Variants in NRXN1 observed in about 807,000 individuals in gnomAD.
The protein encoded by NRXN1 is neurexin 1, also known as neurexin-1.
Under a neutral mutation model 150.9 loss-of-function variants are expected in NRXN1, and 39 were observed. The observed-to-expected ratio is 0.26, with a 90% CI of 0.20 to 0.34. NRXN1 has a LOEUF of 0.34. NRXN1 is among the 10% of genes least tolerant of loss of function. NRXN1 has a pLI of 1.00. For missense variants in NRXN1, 1,815 were observed against 1,949.9 expected, an observed-to-expected ratio of 0.93 and a Z score of 1.30; for synonymous variants, 924 against 757.0, an observed-to-expected ratio of 1.22 and a Z score of -3.62.
At chr2:50,156,465 C>T (rs1558992347) in intron 18 of NRXN1, among the ~76,000 whole-genome samples, 2 of 151,848 alleles carry the variant, frequency 1.3e-5, no homozygotes, top group South Asian at 2.1e-4. Context: ...TAAAAAATTA[C>T]GTAAATGGTT....
At chr2:50,505,078 T>C (rs1176216893) in intron 13 of NRXN1, among the ~76,000 whole-genome samples, 3 of 152,148 alleles carry the variant, frequency 2.0e-5, no homozygotes, top group Non-Finnish European at 2.9e-5. Context: ...TCACCCTCTA[T>C]AATAATCTGT....
intron 5 of NRXN1, among the ~76,000 whole-genome samples, chr2:50,830,562 CCCTGAAACA>C (rs1164485386): frequency 2.6e-5 from 4 of 151,410 alleles, no homozygotes; most frequent in Non-Finnish European, 5.9e-5. Flanking sequence ...TTCTTCTGAG[CCCTGAAACA>C]CATTCATTTC....
intron 17 of NRXN1, among the ~76,000 whole-genome samples, chr2:50,294,177 A>G (rs1040558504): frequency 1.3e-5 from 2 of 152,200 alleles, no homozygotes; most frequent in African/African-American, 2.4e-5. Context: ...GTGTCAATTT[A>G]TGGAGTAAAA....
At chr2:50,948,191 T>C (rs1690715149) in intron 2 of NRXN1, among the ~76,000 whole-genome samples, 1 of 152,070 alleles carries the variant, frequency 6.6e-6, no homozygotes. Context: ...AATTTTTGTT[T>C]TCTTTACTCT....
chr2:50,579,183 G>A (rs574539656), intron 8 of NRXN1, among the ~76,000 whole-genome samples: 1 of 152,332 alleles, frequency 6.6e-6, no homozygotes, highest in East Asian at 1.9e-4. Flanking sequence ...TTAAAGCAGA[G>A]CAAGTGCTTT....
chr2:51,010,628 G>A (rs541183541), intron 2 of NRXN1, among the ~76,000 whole-genome samples: 60 of 152,070 alleles, frequency 3.9e-4, no homozygotes, highest in African/African-American at 9.4e-4. Flanking sequence ...AGTTCCTAGA[G>A]ATGAAACTGT....
intron 19 of NRXN1, among the ~76,000 whole-genome samples, chr2:50,057,511 T>C (rs192245877): frequency 2.1e-4 from 32 of 152,196 alleles, no homozygotes; most frequent in African/African-American, 7.2e-4. Context: ...GAAAGAAGCA[T>C]TGAACCTGTA....
intron 8 of NRXN1, among the ~76,000 whole-genome samples, chr2:50,599,591 G>A (rs1247601839): frequency 6.6e-6 from 1 of 152,116 alleles, no homozygotes; most frequent in Non-Finnish European, 1.5e-5. Context: ...GTTAAAGTGA[G>A]AAACAGAAAT....
At chr2:50,627,134 T>C (rs1195703720) in intron 5 of NRXN1, among the ~76,000 whole-genome samples, 3 of 151,866 alleles carry the variant, frequency 2.0e-5, no homozygotes, top group Non-Finnish European at 4.4e-5. Context: ...TATATACTGC[T>C]GATGCTGATA....
At chr2:49,973,974 G>A (rs754080263) in intron 21 of NRXN1, 20 of 717,200 alleles carry the variant, frequency 2.8e-5, no homozygotes, top group Non-Finnish European at 1.3e-5. Flanking sequence ...CTACCTGCAA[G>A]TTTTCACAGT....
intron 18 of NRXN1, among the ~76,000 whole-genome samples, chr2:50,214,952 A>T (rs1255645597): frequency 2.0e-5 from 3 of 152,052 alleles, no homozygotes; most frequent in African/African-American, 7.2e-5. Context: ...TCTAGGACTC[A>T]GCTCACTTTA....
intron 2 of NRXN1, among the ~76,000 whole-genome samples, chr2:50,988,218 C>G (rs1335031914): frequency 6.6e-6 from 1 of 151,970 alleles, no homozygotes; most frequent in Non-Finnish European, 1.5e-5. Context: ...CCTGCCAAAT[C>G]AATGACTATT....
In NRXN1 at chr2:50,771,272, A is replaced by C. The variant is rs113468378; in HGVS notation, c.833-147657T>G. 2.0e-3 allele frequency among the ~76,000 whole-genome samples: 299 copies of C among 152,250 alleles called. 5 individuals carry two copies. Among genetic ancestry groups the C allele is most frequent in the African/African-American group, 7.0e-3 (291 of 41,578 alleles). ...GCCAGTCACTCTATATATTACCGTC[A>C]GGATTATTCTCCCAAAACGCAAAAT... On this transcript the variant is annotated intron_variant, in intron 5 of 22. Transcript: ENST00000401669.
At chr2:50,082,902 C>A (rs1398059654) in intron 19 of NRXN1, among the ~76,000 whole-genome samples, 3 of 152,180 alleles carry the variant, frequency 2.0e-5, no homozygotes, top group East Asian at 3.8e-4. Flanking sequence ...AGATACCCAA[C>A]ACGTATCTGA....
chr2:50,505,985 C>A lies in NRXN1; in HGVS notation c.2497+510G>T, dbSNP rs2092201263. On this transcript the variant is annotated intron_variant, in intron 13 of 22. Coordinates refer to ENST00000401669, the MANE Select transcript of NRXN1 (RefSeq NM_001330078.2). ...ATCTAAAAATGGGGGTTGAACTTGA[C>A]ATCCTTAATATTAGAATTTAACCAA... Among the ~76,000 whole-genome samples, 3 of 152,194 alleles carry A rather than the reference C, an allele frequency of 2.0e-5. No homozygotes were observed. In the South Asian group the frequency reaches 6.2e-4, roughly 32 times the overall value.
chr2:50,544,423 A>G (rs2093451213), intron 9 of NRXN1, among the ~76,000 whole-genome samples: 2 of 152,132 alleles, frequency 1.3e-5, no homozygotes, highest in Admixed American at 6.5e-5. Context: ...AGGTTTTTAA[A>G]GAAATAAAAT....
chr2:49,994,502 C>T (rs1682577788), intron 21 of NRXN1, among the ~76,000 whole-genome samples: 1 of 152,048 alleles, frequency 6.6e-6, no homozygotes, highest in South Asian at 2.1e-4. Flanking sequence ...CATTCTACAC[C>T]CATGGATTCC....
At position 49,921,150 on chromosome 2, in the gene NRXN1, C is replaced by A. The variant is rs201449684; in HGVS notation, c.*794G>T. On this transcript the variant is annotated 3_prime_UTR_variant, in exon 23 of 23. Coordinates refer to ENST00000401669, the MANE Select transcript of NRXN1 (RefSeq NM_001330078.2). ...ATTTTCTATACAACAGGCTATAAAA[C>A]GTCACTTATCACAGTCCAGAAAGCA... 1 of 152,512 alleles carries A rather than the reference C, an allele frequency of 6.6e-6. No homozygotes were observed. The highest frequency in any genetic ancestry group is 1.5e-5 in the Non-Finnish European group (1 of 68,018). The allele number at this position is 152,512 out of a possible 1,614,324, so 9.4% of individuals were successfully genotyped here.
intron 8 of NRXN1, among the ~76,000 whole-genome samples, chr2:50,557,340 G>A (rs2105370062): frequency 6.6e-6 from 1 of 152,278 alleles, no homozygotes; most frequent in East Asian, 1.9e-4. Context: ...GTAGTATGCA[G>A]GATGGTGAAA....
Sources: allele counts gnomAD v4.1 joint callset (sites outside exome capture counted in the v4.1 genomes callset), GRCh38; gene constraint gnomAD v4.1.1; transcripts MANE v1.5; gene names NCBI Gene and HGNC (gene_info 2026-07-23, HGNC 2026-07-21).